The following EML5 variants were observed in gnomAD, a reference collection of about 807,000 sequenced individuals.
The protein encoded by EML5 is echinoderm microtubule-associated protein-like 5.
EML5 carries 120 observed loss-of-function variants against 250.0 expected under a neutral mutation model. That is an observed-to-expected ratio of 0.48 (90% confidence interval 0.41 to 0.56). The LOEUF (loss-of-function observed/expected upper bound fraction) is 0.56. Ranked by LOEUF, EML5 falls within the 20% of genes least tolerant of loss-of-function variation. The pLI is 0.00. For missense variants in EML5, 2,006 were observed against 2,437.6 expected, an observed-to-expected ratio of 0.82 and a Z score of 3.73; for synonymous variants, 771 against 806.5, an observed-to-expected ratio of 0.96 and a Z score of 0.75.
chr14:88,738,032 GT>G (rs2093871654), intron 6 of EML5, among the ~76,000 whole-genome samples: 1 of 152,002 alleles, frequency 6.6e-6, no homozygotes, highest in Non-Finnish European at 1.5e-5. Flanking sequence ...GTTTTCTCAT[GT>G]GTGTTACATG....
At chr14:88,715,819 T>C (rs2093482534) in intron 8 of EML5, among the ~76,000 whole-genome samples, 1 of 152,106 alleles carries the variant, frequency 6.6e-6, no homozygotes, top group Non-Finnish European at 1.5e-5. Context: ...CACACCACCA[T>C]ACCCGGCTAA....
chr14:88,661,520 A>T (rs2092100330), intron 25 of EML5, 134 bp downstream of exon 25: 2 of 775,318 alleles, frequency 2.6e-6, no homozygotes, highest in Admixed American at 6.2e-5. Flanking sequence ...TATGAAACAT[A>T]ATTCTGAACC....
chr14:88,687,412 G>C, intron 18 of EML5, 85 bp from the exon 19 acceptor site: 2 of 948,278 alleles, frequency 2.1e-6, no homozygotes, highest in Non-Finnish European at 3.1e-6. Flanking sequence ...AAAACTTCTA[G>C]AAAAAAGAAC....
intron 33 of EML5, among the ~76,000 whole-genome samples, chr14:88,628,776 T>C (rs572934896): frequency 6.6e-6 from 1 of 152,222 alleles, no homozygotes; most frequent in African/African-American, 2.4e-5. Context: ...CATCTGCTAT[T>C]TGTAATACAC....
At chr14:88,745,740 A>G (rs912788046) in intron 3 of EML5, among the ~76,000 whole-genome samples, 2 of 152,196 alleles carry the variant, frequency 1.3e-5, no homozygotes, top group Non-Finnish European at 2.9e-5. Flanking sequence ...CCCTATGTAT[A>G]TCAATTATAT....
At chr14:88,706,059 CAA>C (rs539050168) in intron 11 of EML5, among the ~76,000 whole-genome samples, 198 bp downstream of exon 11, 188 of 152,218 alleles carry the variant, frequency 1.2e-3, no homozygotes, top group African/African-American at 4.3e-3. Context: ...AAAACGCAAT[CAA>C]AATTACTTTG....
intron 23 of EML5, 34 bp from the exon 24 acceptor site, chr14:88,663,153 T>C: frequency 3.8e-6 from 5 of 1,326,542 alleles, no homozygotes; most frequent in East Asian, 2.6e-5. Context: ...TTTACACATA[T>C]AAAATACATA....
intron 1 of EML5, among the ~76,000 whole-genome samples, chr14:88,762,806 A>T (rs1010841687): frequency 2.0e-5 from 3 of 152,224 alleles, no homozygotes; most frequent in Admixed American, 6.5e-5. Context: ...ATCATAACAA[A>T]CAGTCTCTCA....
intron 1 of EML5, among the ~76,000 whole-genome samples, chr14:88,780,544 C>A (rs768058462): frequency 4.0e-5 from 6 of 151,892 alleles, no homozygotes; most frequent in Non-Finnish European, 8.8e-5. Flanking sequence ...ATCCACAGGG[C>A]AGGGCAGCAG....
intron 1 of EML5, among the ~76,000 whole-genome samples, chr14:88,760,522 T>C (rs1385710320): frequency 1.3e-5 from 2 of 152,196 alleles, no homozygotes; most frequent in African/African-American, 2.4e-5. Flanking sequence ...CATTAACCTA[T>C]GTATCTATCC....
chr14:88,729,572 G>GT (rs1413028810), intron 7 of EML5, among the ~76,000 whole-genome samples: 1 of 141,654 alleles, frequency 7.1e-6, no homozygotes, highest in African/African-American at 2.8e-5. Flanking sequence ...TTTGTTTTTT[G>GT]TTTTTTTGAG....
At chr14:88,616,334 G>T in intron 42 of EML5, 92 bp from the exon 43 acceptor site, 2 of 1,252,686 alleles carry the variant, frequency 1.6e-6, no homozygotes. Flanking sequence ...GACAAGAGCT[G>T]TGGAGAGAGT....
At chr14:88,661,561 G>T in intron 25 of EML5, 93 bp downstream of exon 25, 1 of 1,116,066 alleles carries the variant, frequency 9.0e-7, no homozygotes, top group Non-Finnish European at 1.3e-6. Flanking sequence ...TATTACATAT[G>T]TACAATTAAT....
chr14:88,624,847 G>A (rs2089676362), intron 36 of EML5, 123 bp downstream of exon 36: 1 of 1,019,676 alleles, frequency 9.8e-7, no homozygotes, highest in African/African-American at 1.7e-5. Flanking sequence ...TAAAGGAGAA[G>A]CATATGAGGA....
At chr14:88,717,635 A>G (rs2093519534) in intron 8 of EML5, among the ~76,000 whole-genome samples, 1 of 152,124 alleles carries the variant, frequency 6.6e-6, no homozygotes, top group African/African-American at 2.4e-5. Flanking sequence ...TCCGCCTGTA[A>G]TCCCAGCTAC....
chr14:88,733,993 A>G (rs1367454229), intron 7 of EML5, among the ~76,000 whole-genome samples: 1 of 152,136 alleles, frequency 6.6e-6, no homozygotes, highest in African/African-American at 2.4e-5. Context: ...TTGCTTACCT[A>G]AAACAACCTA....
chr14:88,679,243 G>C (rs1357499659), intron 21 of EML5, among the ~76,000 whole-genome samples: 2 of 150,488 alleles, frequency 1.3e-5, no homozygotes, highest in Non-Finnish European at 2.9e-5. Flanking sequence ...GTACTGGGGG[G>C]TTAGAACTTC....
At chr14:88,682,067 G>A in intron 20 of EML5, 36 bp from the exon 21 acceptor site, 1 of 1,524,866 alleles carries the variant, frequency 6.6e-7, no homozygotes, top group Non-Finnish European at 8.8e-7. Context: ...TAGTGTATGT[G>A]TGTGTATATT....
chr14:88,616,864 C>A lies in EML5; in HGVS notation c.5658G>T (p.Glu1886Asp). 2 of 1,613,790 alleles carry A rather than the reference C, an allele frequency of 1.2e-6. No homozygotes were observed. Among genetic ancestry groups the A allele is most frequent in the Non-Finnish European group, 1.7e-6 (2 of 1,179,782 alleles). ...CATGTCTGGACCAGATTCCCAAAAC[C>A]TCATCTCCTAGAATACTAGAGGGAA... ...WATWTSILGDEVLGIWSRHAE... is the reference protein window; with the variant it reads ...WATWTSILGDDVLGIWSRHAE... The change falls in exon 42 of 44, where the codon GAG (glutamate) becomes GAT (aspartate). Residue 1886 changes from glutamate (E) to aspartate (D), a missense_variant. Glu to Asp is a conservative substitution (Grantham distance 45, BLOSUM62 2). Transcript: ENST00000554922.
Sources: gnomAD v4.1 joint callset for allele counts (sites outside exome capture counted in the v4.1 genomes callset) on GRCh38, gnomAD v4.1.1 for gene constraint, MANE v1.5 for transcripts, NCBI Gene and HGNC (gene_info 2026-07-23, HGNC 2026-07-21) for gene names.